The following UTRN variants were observed in gnomAD, a reference collection of about 807,000 sequenced individuals.
The protein encoded by UTRN is dystrophin-related protein 1.
In UTRN, 283 loss-of-function variants were observed where a neutral mutation model predicts 463.9. The ratio of observed to expected loss-of-function variants is 0.61; its 90% CI spans 0.55 to 0.67. The LOEUF (loss-of-function observed/expected upper bound fraction) is 0.67. Among genes scored for constraint, UTRN ranks in the 30% least tolerant of loss-of-function variants. The pLI is 0.00. For missense variants in UTRN, 3,922 were observed against 4,084.3 expected (o/e 0.96, Z 1.08); for synonymous variants, 1,442 against 1,431.5 (o/e 1.01, Z -0.17).
intron 53 of UTRN, among the ~76,000 whole-genome samples, chr6:144,709,961 C>T (rs1318816799): frequency 6.6e-6 from 1 of 152,150 alleles, no homozygotes; most frequent in Non-Finnish European, 1.5e-5. Flanking sequence ...CCCATCCATC[C>T]ACCCACCTAT....
chr6:144,504,017 G>T (rs1373373067), intron 34 of UTRN, among the ~76,000 whole-genome samples: 1 of 152,122 alleles, frequency 6.6e-6, no homozygotes, highest in East Asian at 1.9e-4. Flanking sequence ...ATTGTGAATG[G>T]GAGTTCACTC....
chr6:144,722,848 G>A lies in UTRN; in HGVS notation c.7810-7509G>A, dbSNP rs182238160. On this transcript the variant is annotated intron_variant, in intron 53 of 74. Transcript: ENST00000367545. ...CATGTGAGTGAGGCTGTTTTGTCCC[G>A]CCCTCCCCATCCAAGCTGCAGGATG... Among the ~76,000 whole-genome samples the A allele has an allele frequency of 1.6e-3, 242 of 152,136 alleles. 10 individuals are homozygous for A. Among genetic ancestry groups the A allele is most frequent in the Admixed American group, 0.015 (223 of 15,278 alleles).
chr6:144,492,956 G>T (rs1235898147), intron 32 of UTRN, among the ~76,000 whole-genome samples: 4 of 152,186 alleles, frequency 2.6e-5, no homozygotes, highest in African/African-American at 7.2e-5. Context: ...TTTTAAAAAT[G>T]TAATTTTAAT....
intron 50 of UTRN, among the ~76,000 whole-genome samples, chr6:144,571,996 T>G (rs1359486442): frequency 6.6e-6 from 1 of 152,206 alleles, no homozygotes; most frequent in Non-Finnish European, 1.5e-5. Context: ...ATGGAAGTTT[T>G]GTGTTATTCG....
intron 51 of UTRN, among the ~76,000 whole-genome samples, chr6:144,631,229 G>A (rs1776476824): frequency 8.3e-6 from 1 of 120,770 alleles, no homozygotes; most frequent in South Asian, 2.8e-4. Flanking sequence ...GTGTGTGTGA[G>A]AGAGAGAGGT....
intron 48 of UTRN, 87 bp downstream of exon 48, chr6:144,551,169 AAACAC>A (rs71270333): frequency 1.3e-6 from 1 of 787,268 alleles, no homozygotes; most frequent in Non-Finnish European, 1.9e-6. Context: ...ACACACACAC[AAACAC>A]ATTTTCAAAG....
intron 11 of UTRN, among the ~76,000 whole-genome samples, chr6:144,438,483 G>T (rs1786806093): frequency 6.6e-6 from 1 of 152,196 alleles, no homozygotes; most frequent in Non-Finnish European, 1.5e-5. Flanking sequence ...TTAATAAGCA[G>T]GAATTCCTGA....
At chr6:144,468,760 A>C (rs1790203341) in intron 23 of UTRN, among the ~76,000 whole-genome samples, 1 of 152,170 alleles carries the variant, frequency 6.6e-6, no homozygotes, top group Non-Finnish European at 1.5e-5. Context: ...CGATCTTTGT[A>C]ATCAACCTCT....
chr6:144,496,249 A>G (rs901665944), intron 33 of UTRN, among the ~76,000 whole-genome samples: 1 of 152,224 alleles, frequency 6.6e-6, no homozygotes, highest in African/African-American at 2.4e-5. Context: ...CAGTTGAGGT[A>G]ATATTGAAGT....
intron 15 of UTRN, 70 bp downstream of exon 15, chr6:144,447,388 A>T: frequency 6.8e-7 from 1 of 1,468,838 alleles, no homozygotes; most frequent in Non-Finnish European, 9.3e-7. Context: ...GCTAATGGTT[A>T]GTAGAATTTA....
At chr6:144,457,907 C>A (rs1172816272) in intron 19 of UTRN, among the ~76,000 whole-genome samples, 4 of 152,226 alleles carry the variant, frequency 2.6e-5, no homozygotes, top group African/African-American at 7.2e-5. Flanking sequence ...TTTTGGTATG[C>A]ATGTTTTCCT....
intron 2 of UTRN, among the ~76,000 whole-genome samples, chr6:144,401,634 G>A (rs949558631): frequency 2.0e-5 from 3 of 151,866 alleles, no homozygotes; most frequent in Admixed American, 2.0e-4. Context: ...GTGTCTTGGA[G>A]TTGGTCTCCA....
At chr6:144,794,376 C>T (rs1290219009) in intron 63 of UTRN, among the ~76,000 whole-genome samples, 1 of 152,124 alleles carries the variant, frequency 6.6e-6, no homozygotes, top group African/African-American at 2.4e-5. Context: ...TTCTTCCTTC[C>T]CCATTGCCCA....
chr6:144,716,619 A>T (rs1003592198), intron 53 of UTRN, among the ~76,000 whole-genome samples: 1 of 152,240 alleles, frequency 6.6e-6, no homozygotes, highest in Non-Finnish European at 1.5e-5. Context: ...ATTTTTAATT[A>T]TGAAAATAAT....
chr6:144,768,167 C>G (rs1432623178), intron 58 of UTRN, among the ~76,000 whole-genome samples: 1 of 152,088 alleles, frequency 6.6e-6, no homozygotes, highest in African/African-American at 2.4e-5. Context: ...TGCAGCACAA[C>G]TTTTTTTGTT....
chr6:144,838,250 G>A (rs79934408), intron 71 of UTRN, among the ~76,000 whole-genome samples: 1,564 of 152,252 alleles, frequency 0.01, 14 homozygotes, highest in South Asian at 0.027. Context: ...TGGCTCATGT[G>A]CCTTGAGAAT....
intron 51 of UTRN, among the ~76,000 whole-genome samples, chr6:144,641,405 G>T (rs1218417665): frequency 6.6e-6 from 1 of 152,144 alleles, no homozygotes; most frequent in African/African-American, 2.4e-5. Flanking sequence ...GTTTTATCCT[G>T]CTGGGGAAGC....
Position 144,437,679 on chromosome 6 carries a change from G to T in UTRN, c.1174G>T (p.Glu392Ter). Residue 392 changes from glutamate (E) to a stop codon, truncating the protein, a stop_gained, in exon 11 of 75, where the codon GAA becomes TAA. Coordinates refer to ENST00000367545, the MANE Select transcript of UTRN (RefSeq NM_007124.3). LOFTEE classifies it high-confidence loss of function. ...AGACGAAGAAGAATTTGAGATTCAG[G>T]AACAGATGACCCTGCTGAATGCTAG... is the stretch of plus-strand genomic sequence containing the variant. ...LSDEEEFEIQ[E>*]QMTLLNARWE... The T allele has an allele frequency of 6.2e-7, 1 of 1,614,158 alleles. No homozygotes were observed. The highest frequency in any genetic ancestry group is 8.5e-7 in the Non-Finnish European group (1 of 1,180,014).
At chr6:144,773,281 A>G (rs7758369) in intron 59 of UTRN, among the ~76,000 whole-genome samples, 49,496 of 151,962 alleles carry the variant, frequency 0.33, 9,733 homozygotes, top group East Asian at 0.82. Flanking sequence ...TGAATAGTGA[A>G]CTGGACAGTG....
Sources: gnomAD v4.1 joint callset for allele counts (sites outside exome capture counted in the v4.1 genomes callset) on GRCh38, gnomAD v4.1.1 for gene constraint, MANE v1.5 for transcripts, NCBI Gene and HGNC (gene_info 2026-07-23, HGNC 2026-07-21) for gene names.